Variants in DEPDC5 observed in about 807,000 individuals in gnomAD.
The protein encoded by DEPDC5 is DEP domain containing 5, GATOR1 subcomplex subunit.
DEPDC5 carries 73 observed loss-of-function variants against 217.3 expected under a neutral mutation model. The ratio of observed to expected loss-of-function variants is 0.34; its 90% CI spans 0.28 to 0.41. DEPDC5 has a LOEUF of 0.41. DEPDC5 is among the 10% of genes least tolerant of loss of function. DEPDC5 has a pLI of 1.00. For synonymous variants in DEPDC5, 733 were observed against 756.7 expected (o/e 0.97, Z 0.51); for missense variants, 1,675 against 2,070.1 (o/e 0.81, Z 3.70).
chr22:31,762,449 A>AT (rs565179573), intron 4 of DEPDC5, among the ~76,000 whole-genome samples: 44 of 152,314 alleles, frequency 2.9e-4, no homozygotes, highest in African/African-American at 9.6e-4. Flanking sequence ...AGAGAAAAAA[A>AT]CAAAATTCTG....
intron 33 of DEPDC5, among the ~76,000 whole-genome samples, chr22:31,869,545 A>C (rs745866301): frequency 4.0e-4 from 57 of 142,826 alleles, no homozygotes; most frequent in Non-Finnish European, 7.8e-4. Context: ...AGCCTCGGTG[A>C]CAGAGCAAGA....
intron 7 of DEPDC5, among the ~76,000 whole-genome samples, chr22:31,774,299 A>G (rs1249231735): frequency 3.3e-5 from 5 of 150,314 alleles, no homozygotes; most frequent in Admixed American, 3.3e-4. Context: ...TCCCAGGCTC[A>G]AGCAATTCTC....
intron 35 of DEPDC5, 169 bp from the exon 36 acceptor site, chr22:31,874,104 T>G: frequency 3.6e-6 from 4 of 1,101,200 alleles, no homozygotes; most frequent in Non-Finnish European, 5.0e-6. Context: ...CCGGTAACAG[T>G]TTCTTTTGTC....
At chr22:31,780,516 G>A (rs1190371799) in intron 8 of DEPDC5, among the ~76,000 whole-genome samples, 4 of 152,208 alleles carry the variant, frequency 2.6e-5, no homozygotes, top group East Asian at 1.9e-4. Context: ...TCCTCGCCAC[G>A]CAAACCACTC....
intron 41 of DEPDC5, 65 bp downstream of exon 41, chr22:31,901,867 C>T (rs1396459233): frequency 1.5e-5 from 22 of 1,474,390 alleles, no homozygotes; most frequent in Admixed American, 1.8e-5. Context: ...TAGCAGTTAC[C>T]AAAGTGAAAC....
chr22:31,824,699 G>T (rs2089995150), intron 24 of DEPDC5, among the ~76,000 whole-genome samples: 1 of 151,982 alleles, frequency 6.6e-6, no homozygotes, highest in African/African-American at 2.4e-5. Context: ...CGGGCACTGT[G>T]GCTCACACCT....
At chr22:31,882,655 C>T (rs1303347661) in intron 38 of DEPDC5, among the ~76,000 whole-genome samples, 1 of 152,170 alleles carries the variant, frequency 6.6e-6, no homozygotes, top group Non-Finnish European at 1.5e-5. Context: ...AAGTGTATAA[C>T]ACATTTTAGC....
chr22:31,870,937 A>G (rs1265102178), intron 34 of DEPDC5, among the ~76,000 whole-genome samples, 193 bp downstream of exon 34: 2 of 152,238 alleles, frequency 1.3e-5, no homozygotes, highest in African/African-American at 4.8e-5. Flanking sequence ...CCATCCTCAC[A>G]GGATAGCTAA....
intron 36 of DEPDC5, 75 bp downstream of exon 36, chr22:31,874,480 A>G: frequency 6.7e-7 from 1 of 1,496,914 alleles, no homozygotes. Flanking sequence ...AGAAGCCATC[A>G]CCCTTTCCAG....
chr22:31,860,412 A>G (rs569617001), intron 32 of DEPDC5, among the ~76,000 whole-genome samples: 1 of 152,360 alleles, frequency 6.6e-6, no homozygotes, highest in African/African-American at 2.4e-5. Flanking sequence ...AATTGAGGAA[A>G]AGTTCCAGAA....
intron 18 of DEPDC5, among the ~76,000 whole-genome samples, chr22:31,808,816 C>T (rs1478570747): frequency 6.6e-6 from 1 of 152,120 alleles, no homozygotes; most frequent in African/African-American, 2.4e-5. Flanking sequence ...CTACCTGTCT[C>T]GGCTTCCCAA....
chr22:31,859,592 C>T (rs1185231619), intron 32 of DEPDC5, among the ~76,000 whole-genome samples: 9 of 150,756 alleles, frequency 6.0e-5, no homozygotes, highest in African/African-American at 1.7e-4. Flanking sequence ...AGGGTTTCAC[C>T]GTGTTGGCCA....
chr22:31,862,138 A>G (rs1250461325), intron 33 of DEPDC5, among the ~76,000 whole-genome samples: 1 of 152,166 alleles, frequency 6.6e-6, no homozygotes, highest in Non-Finnish European at 1.5e-5. Flanking sequence ...GCTACTCGGG[A>G]GGCTGAGGCA....
intron 38 of DEPDC5, among the ~76,000 whole-genome samples, chr22:31,882,739 TTC>T (rs1312188837): frequency 6.6e-6 from 1 of 152,128 alleles, no homozygotes; most frequent in Non-Finnish European, 1.5e-5. Context: ...TGTTCATTCT[TTC>T]TCTTTTTTTT....
chr22:31,801,007 A>C (rs2086812378), intron 14 of DEPDC5, among the ~76,000 whole-genome samples: 1 of 151,174 alleles, frequency 6.6e-6, no homozygotes, highest in Non-Finnish European at 1.5e-5. Context: ...TTTTTAAATA[A>C]ATAGGCTGGC....
intron 29 of DEPDC5, 74 bp downstream of exon 29, chr22:31,843,886 T>G (rs1351682988): frequency 4.2e-6 from 6 of 1,422,796 alleles, no homozygotes; most frequent in Admixed American, 2.1e-5. Context: ...TAACACTTTC[T>G]GCCCTTTCTC....
chr22:31,764,274 C>T (rs2082635531), intron 4 of DEPDC5, among the ~76,000 whole-genome samples: 1 of 152,110 alleles, frequency 6.6e-6, no homozygotes. Flanking sequence ...TCTCCTGCCC[C>T]ATGTTACGTT....
intron 38 of DEPDC5, among the ~76,000 whole-genome samples, chr22:31,884,454 C>T (rs758097572): frequency 2.6e-5 from 4 of 152,214 alleles, no homozygotes; most frequent in African/African-American, 4.8e-5. Flanking sequence ...GCCTGGCGGC[C>T]AGTCCTCAGT....
chr22:31,864,526 T>TATATATATATATATATATATATA lies in DEPDC5; in HGVS notation c.3330+3093_3330+3094insATATATATATATATATATATATA, dbSNP rs1335760559. On this transcript the variant is annotated intron_variant, in intron 33 of 42. Coordinates refer to ENST00000651528, the MANE Select transcript of DEPDC5 (RefSeq NM_001242896.3). The stretch of plus-strand genomic sequence containing the variant: ...AATATATATATATATATATATATAT[T>TATATATATATATATATATATATA]TATATATTTATTTATTTACTGTGTG... 5.2e-4 allele frequency among the ~76,000 whole-genome samples: 61 copies of TATATATATATATATATATATATA among 117,764 alleles called. 1 individual carries two copies. Among genetic ancestry groups the TATATATATATATATATATATATA allele is most frequent in the South Asian group, 1.9e-3 (7 of 3,720 alleles). 77.3% of individuals were successfully genotyped at this position (117,764 alleles called of 152,430 possible).
Sources: allele counts gnomAD v4.1 joint callset (sites outside exome capture counted in the v4.1 genomes callset), GRCh38; gene constraint gnomAD v4.1.1; transcripts MANE v1.5; gene names NCBI Gene and HGNC (gene_info 2026-07-23, HGNC 2026-07-21).